The following PCDHGB6 variants were observed in gnomAD, a reference collection of about 807,000 sequenced individuals.
PCDHGB6 encodes the protein protocadherin gamma-B6.
Under a neutral mutation model 59.1 loss-of-function variants are expected in PCDHGB6, and 51 were observed. The ratio of observed to expected loss-of-function variants is 0.86; its 90% confidence interval spans 0.69 to 1.09. The LOEUF is 1.09. Among genes scored for constraint, PCDHGB6 ranks in the 50% least tolerant of loss-of-function variants. The pLI is 0.00. For missense variants in PCDHGB6, 1,148 were observed against 1,205.1 expected (o/e 0.95, Z 0.70); for synonymous variants, 466 against 495.1 (o/e 0.94, Z 0.78).
At chr5:141,501,871 C>T (rs562714939) in intron 2 of PCDHGB6, among the ~76,000 whole-genome samples, 3 of 152,244 alleles carry the variant, frequency 2.0e-5, no homozygotes, top group African/African-American at 7.2e-5. Context: ...CAGGACGCCT[C>T]CTTACACTCC....
Position 141,511,319 on chromosome 5 carries a change from C to A in PCDHGB6, c.*146C>A. On this transcript the variant is annotated 3_prime_UTR_variant, in exon 4 of 4. Coordinates refer to ENST00000520790, the MANE Select transcript of PCDHGB6 (RefSeq NM_018926.3). ...CCATGCTCCCCTTGGGAAACAGAAA[C>A]AAGTGCCCAGTCAGCACCTACCCCT... is the stretch of plus-strand genomic sequence containing the variant. 6.8e-7 allele frequency: 1 copy of A among 1,477,420 alleles called. No homozygotes were observed. The highest frequency in any genetic ancestry group is 9.0e-7 in the Non-Finnish European group (1 of 1,108,340). 91.5% of individuals were successfully genotyped at this position (1,477,420 alleles called of 1,614,324 possible).
At chr5:141,496,602 C>A (rs981108050) in intron 2 of PCDHGB6, among the ~76,000 whole-genome samples, 5 of 152,150 alleles carry the variant, frequency 3.3e-5, no homozygotes, top group Admixed American at 1.3e-4. Flanking sequence ...TCTTAGAAGG[C>A]CCCTAAAAAG....
chr5:141,423,219 T>G (rs775170753), intron 1 of PCDHGB6: 4 of 1,613,752 alleles, frequency 2.5e-6, no homozygotes, highest in Non-Finnish European at 3.4e-6. Context: ...TCACCGTGGC[T>G]GTGGCCGACA....
intron 1 of PCDHGB6, chr5:141,423,427 G>A: frequency 1.2e-6 from 2 of 1,614,010 alleles, no homozygotes; most frequent in Non-Finnish European, 1.7e-6. Flanking sequence ...AGGCGGGTTG[G>A]CAGGTATGCC....
Position 141,409,191 on chromosome 5 carries a change from A to G in PCDHGB6, c.989A>G (p.Gln330Arg). 2 of 1,613,970 alleles carry G rather than the reference A, an allele frequency of 1.2e-6. No individual in the cohort carries two copies. The highest frequency in any genetic ancestry group is 2.7e-5 in the African/African-American group (2 of 75,040). ...EAKDGGGLST[Q>R]CKVIIEILDE... is the part of the protein sequence containing the mutation. ...AAGGACGGAGGTGGTCTCTCTACCC[A>G]GTGTAAAGTAATCATAGAAATCCTT... The change falls in exon 1 of 4, where the codon CAG (glutamine) becomes CGG (arginine). Residue 330 changes from glutamine to arginine, a missense_variant. Transcript: ENST00000520790.
intron 1 of PCDHGB6, among the ~76,000 whole-genome samples, chr5:141,465,319 T>A (rs184635197): frequency 4.6e-5 from 7 of 152,324 alleles, no homozygotes; most frequent in Admixed American, 1.3e-4. Flanking sequence ...GCCATGTCAA[T>A]GCAGTATTTT....
At position 141,486,348 on chromosome 5, in the gene PCDHGB6, A is replaced by G. The variant is rs754981437; in HGVS notation, c.2419-8459A>G. ...GATGTGAGCCTCCGCATTCCTGACC[A>G]CTTGCCATTTGCCCTCAAGTCTGCC... is the stretch of plus-strand genomic sequence containing the variant. On this transcript the variant is annotated intron_variant, in intron 1 of 3. Transcript: ENST00000520790. The surrounding 1 kb of genome is among the most constrained non-coding windows in gnomAD (Gnocchi z 5.0). 1.9e-6 allele frequency: 3 copies of G among 1,613,900 alleles called. No individual in the cohort carries two copies. The highest frequency in any genetic ancestry group is 2.5e-6 in the Non-Finnish European group (3 of 1,179,996).
chr5:141,422,106 C>G (rs763336868), intron 1 of PCDHGB6: 1 of 1,607,266 alleles, frequency 6.2e-7, no homozygotes, highest in Admixed American at 1.7e-5. Flanking sequence ...CTGAAATATT[C>G]CAATTGGATT....
rs1168799961 is a variant in PCDHGB6, at chr5:141,487,844, A to G, written c.2419-6963A>G. ...CGGGTCATGCCTATATCTGAGTAAG[A>G]AATGAAAGTAATTGGTGATCAAGAG... On this transcript the variant is annotated intron_variant, in intron 1 of 3. Coordinates refer to ENST00000520790, the MANE Select transcript of PCDHGB6 (RefSeq NM_018926.3). The surrounding 1 kb of genome is among the most constrained non-coding windows in gnomAD (Gnocchi z 5.0). 2 of 1,043,076 alleles carry G rather than the reference A, an allele frequency of 1.9e-6. No homozygotes were observed. Among genetic ancestry groups the G allele is most frequent in the Non-Finnish European group, 2.7e-6 (2 of 730,916 alleles). The allele number at this position is 1,043,076 out of a possible 1,614,324, so 64.6% of individuals were successfully genotyped here.
chr5:141,505,267 A>G (rs2099845018), intron 2 of PCDHGB6, 126 bp from the exon 3 acceptor site: 1 of 1,514,640 alleles, frequency 6.6e-7, no homozygotes, highest in Admixed American at 2.0e-5. Flanking sequence ...TACCTTGCTG[A>G]GAGAAACAGG....
intron 2 of PCDHGB6, among the ~76,000 whole-genome samples, chr5:141,499,022 A>C (rs1244590420): frequency 2.7e-5 from 4 of 150,722 alleles, no homozygotes; most frequent in Admixed American, 2.0e-4. Context: ...GGAAGGAAGG[A>C]AGGAAGAAAA....
chr5:141,492,548 C>T (rs1028674110), intron 1 of PCDHGB6, among the ~76,000 whole-genome samples: 5 of 152,218 alleles, frequency 3.3e-5, no homozygotes, highest in African/African-American at 9.6e-5. Flanking sequence ...TGGGCCGGGT[C>T]GCCTGGGGGG....
chr5:141,467,042 G>T (rs2099134710), intron 1 of PCDHGB6, among the ~76,000 whole-genome samples: 1 of 149,884 alleles, frequency 6.7e-6, no homozygotes. Context: ...TTTGTGTAAT[G>T]AATCAATGTT....
At chr5:141,450,729 C>T (rs370122389) in intron 1 of PCDHGB6, among the ~76,000 whole-genome samples, 3 of 152,048 alleles carry the variant, frequency 2.0e-5, no homozygotes, top group Non-Finnish European at 2.9e-5. Context: ...TCAGGTGATC[C>T]GCCCGCCTTG....
At chr5:141,412,987 A>T (rs192699644) in intron 1 of PCDHGB6, 1 of 564,522 alleles carries the variant, frequency 1.8e-6, no homozygotes, top group African/African-American at 1.9e-5. Flanking sequence ...GCCAGAGCTC[A>T]ATCCGGATTC....
intron 1 of PCDHGB6, among the ~76,000 whole-genome samples, chr5:141,449,131 G>A (rs530494400): frequency 7.9e-5 from 12 of 152,220 alleles, no homozygotes; most frequent in Non-Finnish European, 1.3e-4. Flanking sequence ...CCCAGAAATG[G>A]AATTGAAATT....
rs1165828230 is a variant in PCDHGB6, at chr5:141,511,464, C to T, written c.*291C>T. On this transcript the variant is annotated 3_prime_UTR_variant, in exon 4 of 4. Coordinates refer to ENST00000520790, the MANE Select transcript of PCDHGB6 (RefSeq NM_018926.3). ...ACACCAAGAACCATTTGCCACACCCCGTTTAGTTACAGCTGAACTCCTCCA... is the reference window on the plus strand; with the variant it reads ...ACACCAAGAACCATTTGCCACACCCTGTTTAGTTACAGCTGAACTCCTCCA... 9 of 538,254 alleles carry T rather than the reference C, an allele frequency of 1.7e-5. No individual in the cohort carries two copies. The highest frequency in any genetic ancestry group is 7.8e-5 in the East Asian group (2 of 25,720). 33.3% of individuals were successfully genotyped at this position (538,254 alleles called of 1,614,324 possible).
chr5:141,487,595 G>C lies in PCDHGB6; in HGVS notation c.2419-7212G>C. ...TGTTCGCCCAAGCTGCCCACCCTCT[G>C]ATCTTCTCTATGGGCTAGAGGTGAG... On this transcript the variant is annotated intron_variant, in intron 1 of 3. Coordinates refer to ENST00000520790, the MANE Select transcript of PCDHGB6 (RefSeq NM_018926.3). The surrounding 1 kb of genome is among the most constrained non-coding windows in gnomAD (Gnocchi z 5.0). 1 of 1,614,202 alleles carries C rather than the reference G, an allele frequency of 6.2e-7. No homozygotes were observed. The highest frequency in any genetic ancestry group is 8.5e-7 in the Non-Finnish European group (1 of 1,180,038).
rs1264759473 is a variant in PCDHGB6 at position 141,486,183 on chromosome 5, G to A, written c.2419-8624G>A. On this transcript the variant is annotated intron_variant, in intron 1 of 3. Transcript: ENST00000520790. The surrounding 1 kb of genome is among the most constrained non-coding windows in gnomAD (Gnocchi z 5.0). The stretch of plus-strand genomic sequence containing the variant: ...GCCATGGAGCAACATTGCAGCCTTC[G>A]AGTGGATCTGCTGGACGTAAATGAC... 3 of 1,614,154 alleles carry A rather than the reference G, an allele frequency of 1.9e-6. No homozygotes were observed. The highest frequency in any genetic ancestry group is 1.1e-5 in the South Asian group (1 of 91,082).
Sources: allele counts gnomAD v4.1 joint callset (sites outside exome capture counted in the v4.1 genomes callset), GRCh38; gene constraint gnomAD v4.1.1; non-coding constraint Gnocchi (gnomAD v3.1); transcripts MANE v1.5; gene names NCBI Gene and HGNC (gene_info 2026-07-23, HGNC 2026-07-21).